Variants in TOMT observed in about 807,000 individuals in gnomAD.
TOMT encodes the protein transmembrane O-methyltransferase.
Under a neutral mutation model 21.7 loss-of-function variants are expected in TOMT, and 23 were observed. The observed-to-expected ratio is 1.06, with a 90% confidence interval of 0.76 to 1.50. TOMT has a LOEUF of 1.50. Ranked by LOEUF, TOMT falls within the 40% of genes most tolerant of loss-of-function variation. TOMT has a pLI of 0.00. For missense variants in TOMT, 331 were observed against 348.7 expected (o/e 0.95, Z 0.41); for synonymous variants, 132 against 150.8 (o/e 0.88, Z 0.91).
At chr11:72,108,663 A>C in exon 3 of TOMT, 1 of 1,527,038 alleles carries the variant, frequency 6.5e-7, no homozygotes, top group Non-Finnish European at 8.8e-7. Flanking sequence ...ACCCAGTATC[A>C]GCTGAGTCGG....
chr11:72,109,304 C>T (rs73543612), exon 3 of TOMT: 28,786 of 470,304 alleles, frequency 0.061, 1,575 homozygotes, highest in East Asian at 0.16. Flanking sequence ...TCCCAGTTCT[C>T]GGCCTCAGAA....
chr11:72,106,958 GAAAA>G (rs1945749436), intron 1 of TOMT: 2 of 136,624 alleles, frequency 1.5e-5, no homozygotes, highest in Admixed American at 1.5e-4. Context: ...AAAAAAAAAA[GAAAA>G]AGAAAAGAAA....
chr11:72,107,784 T>G, intron 1 of TOMT, 139 bp from the exon 2 acceptor site: 1 of 858,368 alleles, frequency 1.2e-6, no homozygotes, highest in South Asian at 1.7e-5. Flanking sequence ...GGAGGGCAGC[T>G]GGGGCTATGG....
exon 2 of TOMT, chr11:72,108,096 C>T (rs1351905407): frequency 6.5e-7 from 1 of 1,530,144 alleles, no homozygotes; most frequent in Non-Finnish European, 8.8e-7. Context: ...ACTCATCCGC[C>T]TGGCCGGCTT....
intron 1 of TOMT, 106 bp downstream of exon 1, chr11:72,106,316 C>T: frequency 8.1e-7 from 1 of 1,237,502 alleles, no homozygotes; most frequent in Non-Finnish European, 1.1e-6. Context: ...GTTCTTGATC[C>T]TCTTTTAGGG....
intron 2 of TOMT, 95 bp from the exon 3 acceptor site, chr11:72,108,510 C>T: frequency 8.7e-7 from 1 of 1,143,734 alleles, no homozygotes; most frequent in Middle Eastern, 2.0e-4. Context: ...GAAGCTAAGC[C>T]AGGACCTGGC....
At chr11:72,109,557 C>A (rs1263207880), downstream of TOMT, 4 of 455,346 alleles carry the variant, frequency 8.8e-6, no homozygotes, top group African/African-American at 2.0e-5. Flanking sequence ...CTCCTCTGGG[C>A]CCCACCAACA....
intron 1 of TOMT, chr11:72,107,546 G>A (rs1945803186): frequency 1.4e-6 from 1 of 702,678 alleles, no homozygotes; most frequent in Non-Finnish European, 2.6e-6. Flanking sequence ...TGGATTCTGG[G>A]CACAGTTGTT....
At chr11:72,107,653 G>C in intron 1 of TOMT, 1 of 621,106 alleles carries the variant, frequency 1.6e-6, no homozygotes, top group East Asian at 2.7e-5. Flanking sequence ...ATGCCAGGCT[G>C]AGAATCCCAA....
exon 2 of TOMT, chr11:72,107,986 A>T: frequency 1.3e-6 from 2 of 1,551,688 alleles, no homozygotes; most frequent in Non-Finnish European, 8.7e-7. Context: ...TTGGGAACCT[A>T]CTGTGGATAC....
At chr11:72,109,124 T>C in exon 3 of TOMT, 1 of 582,874 alleles carries the variant, frequency 1.7e-6, no homozygotes, top group African/African-American at 1.9e-5. Context: ...TTGGTCTCAC[T>C]AGGCCCCCTC....
At chr11:72,107,586 G>A in intron 1 of TOMT, 1 of 697,482 alleles carries the variant, frequency 1.4e-6, no homozygotes, top group South Asian at 1.5e-5. Flanking sequence ...GCCACAGGTG[G>A]GAAGTACTGA....
At chr11:72,108,298 C>T (rs887705665) in intron 2 of TOMT, among the ~76,000 whole-genome samples, 179 bp downstream of exon 2, 8 of 152,156 alleles carry the variant, frequency 5.3e-5, no homozygotes, top group African/African-American at 1.7e-4. Flanking sequence ...TATTTTCTGC[C>T]GGATGACGAA....
chr11:72,107,923 G>A, exon 2 of TOMT: 2 of 1,551,762 alleles, frequency 1.3e-6, no homozygotes, highest in South Asian at 2.4e-5. Flanking sequence ...CCCCTCATAG[G>A]TCAGATCCTG....
chr11:72,107,207 C>T, intron 1 of TOMT: 1 of 536,954 alleles, frequency 1.9e-6, no homozygotes, highest in Non-Finnish European at 3.3e-6. Context: ...GTCAAGGCTG[C>T]AGTGAGCCGT....
chr11:72,107,823 T>G, intron 1 of TOMT, 100 bp from the exon 2 acceptor site: 1 of 1,336,030 alleles, frequency 7.5e-7, no homozygotes, highest in Non-Finnish European at 1.0e-6. Flanking sequence ...CCCCGGCTGG[T>G]TGGGAGCTGC....
chr11:72,109,174 G>A (rs1281202146), exon 3 of TOMT: 1 of 530,846 alleles, frequency 1.9e-6, no homozygotes, highest in East Asian at 3.4e-5. Flanking sequence ...AGAAGCCTGA[G>A]CTCCCGACCC....
exon 1 of TOMT, chr11:72,106,029 G>C (rs1227607126): frequency 6.4e-7 from 1 of 1,551,142 alleles, no homozygotes; most frequent in Non-Finnish European, 8.7e-7. Context: ...ACTTCCGATT[G>C]CTGGTGCGCA....
At chr11:72,108,908 T>C (rs956628252) in exon 3 of TOMT, 1 of 1,541,580 alleles carries the variant, frequency 6.5e-7, no homozygotes, top group Admixed American at 2.0e-5. Context: ...TCAGCTCACC[T>C]ATGCTGGACC....
Sources: allele counts gnomAD v4.1 joint callset (sites outside exome capture counted in the v4.1 genomes callset), GRCh38; gene constraint gnomAD v4.1.1; transcripts MANE v1.5; gene names NCBI Gene and HGNC (gene_info 2026-07-23, HGNC 2026-07-21).